USP34: variants seen among roughly 807,000 people sequenced by gnomAD.
USP34 encodes ubiquitin specific peptidase 34, also known as ubiquitin carboxyl-terminal hydrolase 34.
Under a neutral mutation model 460.3 loss-of-function variants are expected in USP34, and 70 were observed. That is an observed-to-expected ratio of 0.15 (90% CI 0.13 to 0.19). The LOEUF is 0.19. Among genes scored for constraint, USP34 ranks in the 10% least tolerant of loss-of-function variants. The probability of loss-of-function intolerance (pLI) is 1.00; values close to 1 mark genes in which losing one functional copy is unlikely to be tolerated. For missense variants in USP34, 3,985 were observed against 4,236.2 expected (o/e 0.94, Z 1.65); for synonymous variants, 1,647 against 1,405.3 (o/e 1.17, Z -3.85).
At chr2:61,258,572 A>T (rs1688782799) in intron 44 of USP34, among the ~76,000 whole-genome samples, 1 of 152,052 alleles carries the variant, frequency 6.6e-6, no homozygotes, top group African/African-American at 2.4e-5. Context: ...GCATAAATAA[A>T]CCCACAAGCA....
intron 10 of USP34, among the ~76,000 whole-genome samples, chr2:61,355,200 A>C (rs546335235): frequency 6.6e-6 from 1 of 152,340 alleles, no homozygotes; most frequent in East Asian, 1.9e-4. Context: ...AGTAGGGTAC[A>C]AGATGAATAA....
chr2:61,378,351 G>C lies in USP34; in HGVS notation c.1076+12C>G, dbSNP rs1339424221. 11 of 1,552,882 alleles carry C rather than the reference G, an allele frequency of 7.1e-6. No individual in the cohort carries two copies. The highest frequency in any genetic ancestry group is 9.6e-6 in the Non-Finnish European group (11 of 1,143,072). On this transcript the variant is annotated intron_variant, in intron 8 of 79. Coordinates refer to ENST00000398571, the MANE Select transcript of USP34 (RefSeq NM_014709.4). ...ATGGTATACTTATATATAAATTAAT[G>C]CTCCTACTTACGTTTCTGTGTCCGA... is the stretch of plus-strand genomic sequence containing the variant.
At position 61,241,566 on chromosome 2, in the gene USP34, T is replaced by A. The variant is rs750860526; in HGVS notation, c.6771A>T (p.Leu2257Phe). 2 of 1,600,244 alleles carry A rather than the reference T, an allele frequency of 1.2e-6. No homozygotes were observed. The highest frequency in any genetic ancestry group is 2.7e-5 in the African/African-American group (2 of 73,938). ...REYKFDVSSE[L>F]LEWIWHDNMQ... ...AAATGAAATTAACTTATACCTCTAG[T>A]AACTCTGACGAAACATCAAATTTGT... Residue 2257 changes from leucine (L) to phenylalanine (F), a missense_variant, in exon 53 of 80, where the codon TTA becomes TTT. This residue lies in a region of USP34 where 604 missense variants were observed against 684.8 expected (regional missense o/e 0.88). Transcript: ENST00000398571.
In USP34 at chr2:61,414,273, T is replaced by TAAA. The variant is rs33955394; in HGVS notation, c.131+6470_131+6472dup. Among the ~76,000 whole-genome samples, 124 of 147,886 alleles carry TAAA rather than the reference T, an allele frequency of 8.4e-4. 1 individual carries two copies. The highest frequency in any genetic ancestry group is 2.6e-3 in the Admixed American group (39 of 14,892). On this transcript the variant is annotated intron_variant, in intron 2 of 79. Transcript: ENST00000398571. ...TATAAAATAAATAAATAAATAACTTTAAAAAAAAAAAGAGTATGAAGGAAA... is the reference window on the plus strand; with the variant it reads ...TATAAAATAAATAAATAAATAACTTTAAAAAAAAAAAAAAGAGTATGAAGGAAA...
intron 70 of USP34, 61 bp from the exon 71 acceptor site, chr2:61,206,947 T>G (rs752568209): frequency 4.4e-5 from 69 of 1,555,498 alleles, no homozygotes; most frequent in Admixed American, 5.2e-5. Flanking sequence ...AGCCACAAAA[T>G]GGTAGTACTC....
chr2:61,447,174 G>C (rs1279150251), intron 1 of USP34, among the ~76,000 whole-genome samples: 1 of 128,916 alleles, frequency 7.8e-6, no homozygotes, highest in African/African-American at 2.9e-5. Flanking sequence ...CGAATCATTT[G>C]AACCCAGAAG....
At chr2:61,445,194 G>GA (rs1168449480) in intron 1 of USP34, among the ~76,000 whole-genome samples, 1 of 51,912 alleles carries the variant, frequency 1.9e-5, no homozygotes, top group Non-Finnish European at 3.6e-5. Context: ...AATGCTAAGA[G>GA]AAAAAACTGT....
In USP34 at chr2:61,349,690, A is replaced by T. The variant is rs910345708; in HGVS notation, c.1508-405T>A. Among the ~76,000 whole-genome samples the T allele has an allele frequency of 4.6e-5, 7 of 152,028 alleles. No homozygotes were observed. The East Asian group carries it at 1.4e-3, about 29-fold the overall frequency. On this transcript the variant is annotated intron_variant, in intron 12 of 79. Transcript: ENST00000398571. ...CCCGTCTCTACTAAAAATACAAAAA[A>T]ATTAGCTGGGCGTGGTGGCGGGCAC... is the stretch of plus-strand genomic sequence containing the variant.
intron 1 of USP34, among the ~76,000 whole-genome samples, chr2:61,466,826 C>T (rs1236354847): frequency 1.3e-5 from 2 of 151,040 alleles, no homozygotes; most frequent in Admixed American, 6.6e-5. Flanking sequence ...GCAGAAGAAT[C>T]ACTTGAATCC....
At chr2:61,251,232 G>A (rs766430999) in intron 48 of USP34, among the ~76,000 whole-genome samples, 90 of 152,128 alleles carry the variant, frequency 5.9e-4, no homozygotes, top group Non-Finnish European at 9.4e-4. Context: ...ATAAATATCT[G>A]AATACAAACA....
intron 10 of USP34, among the ~76,000 whole-genome samples, chr2:61,366,439 C>G (rs893059516): frequency 2.0e-5 from 3 of 152,088 alleles, no homozygotes; most frequent in African/African-American, 4.8e-5. Flanking sequence ...TTCTGTCAGC[C>G]ACCCGTCAGT....
rs543656697 is a variant in USP34, at chr2:61,358,547, C to T, written c.1252-7854G>A. 3.3e-5 allele frequency among the ~76,000 whole-genome samples: 5 copies of T among 152,106 alleles called. No individual in the cohort carries two copies. In the East Asian group the frequency reaches 9.7e-4, roughly 29 times the overall value. On this transcript the variant is annotated intron_variant, in intron 10 of 79. Transcript: ENST00000398571. ...TACTCAATGATGAATAACATATTTCCCCCTAAGATCAGAACAAGACAAGGA... is the reference window on the plus strand; with the variant it reads ...TACTCAATGATGAATAACATATTTCTCCCTAAGATCAGAACAAGACAAGGA...
At chr2:61,331,884 C>T (rs1271640854) in intron 19 of USP34, among the ~76,000 whole-genome samples, 1 of 151,804 alleles carries the variant, frequency 6.6e-6, no homozygotes, top group Non-Finnish European at 1.5e-5. Flanking sequence ...TTCAGAGATC[C>T]CAGGGTCCAT....
chr2:61,272,357 G>T (rs1689240340), intron 41 of USP34, among the ~76,000 whole-genome samples: 1 of 146,986 alleles, frequency 6.8e-6, no homozygotes, highest in African/African-American at 2.6e-5. Flanking sequence ...CTTGCAGTGA[G>T]CCAAGATCAT....
At chr2:61,356,862 T>G (rs980983840) in intron 10 of USP34, among the ~76,000 whole-genome samples, 1 of 152,190 alleles carries the variant, frequency 6.6e-6, no homozygotes, top group Admixed American at 6.5e-5. Flanking sequence ...ATCAACTGCA[T>G]TTTTTCAAAC....
rs559408655 is a variant in USP34 at position 61,308,862 on chromosome 2, G to A, written c.3817+2678C>T. 2.0e-5 allele frequency among the ~76,000 whole-genome samples: 3 copies of A among 152,212 alleles called. No individual in the cohort carries two copies. In the East Asian group the frequency reaches 5.8e-4, roughly 29 times the overall value. On this transcript the variant is annotated intron_variant, in intron 27 of 79. Coordinates refer to ENST00000398571, the MANE Select transcript of USP34 (RefSeq NM_014709.4). The stretch of plus-strand genomic sequence containing the variant: ...TTGAGATGAGCCTAGGCAACATGGT[G>A]AAACCCTGTCTCTACTAAAAATACA...
chr2:61,335,575 G>A (rs774177178), intron 18 of USP34, among the ~76,000 whole-genome samples: 4 of 151,878 alleles, frequency 2.6e-5, no homozygotes, highest in East Asian at 3.9e-4. Context: ...AGTGAGACCC[G>A]GTCTCCACAA....
rs1689437807 is a variant in USP34, at chr2:61,278,443, T to C, written c.5257A>G (p.Thr1753Ala). The C allele has an allele frequency of 2.6e-6, 4 of 1,542,578 alleles. No homozygotes were observed. The highest frequency in any genetic ancestry group is 3.5e-6 in the Non-Finnish European group (4 of 1,150,498). ...AAGGCATCTAAGTCGAGGAGCGTTG[T>C]CTTAATACAAAAAGAAAATAAAAAT... ...DNIHIKDASQ[T>A]TLLDLDALAR... The change falls in exon 40 of 80, where the codon ACA becomes GCA. Residue 1753 changes from threonine (T) to alanine (A), a missense_variant and splice_region_variant. Physicochemically the swap from Thr to Ala is moderately conservative, Grantham distance 58. Around this residue, in one of 14 missense-constraint regions of USP34, gnomAD observed 1,114 missense variants for 1,122.5 expected, o/e 0.99. Transcript: ENST00000398571.
At position 61,373,367 on chromosome 2, in the gene USP34, GT is replaced by G. The variant is rs112151932; in HGVS notation, c.1077-2789del. Reference sequence around the variant, plus strand: ...AATCAAGGCAGAGATTATATGACTAGTTTTTTTTTTTAAAGATCCAACTATA... The same window carrying G: ...AATCAAGGCAGAGATTATATGACTAGTTTTTTTTTTAAAGATCCAACTATA... On this transcript the variant is annotated intron_variant, in intron 8 of 79. Transcript: ENST00000398571. 1.2e-3 allele frequency among the ~76,000 whole-genome samples: 172 copies of G among 146,474 alleles called. 2 individuals are homozygous for G. The highest frequency in any genetic ancestry group is 4.6e-3 in the Admixed American group (67 of 14,606).
Sources: allele counts gnomAD v4.1 joint callset (sites outside exome capture counted in the v4.1 genomes callset), GRCh38; gene constraint gnomAD v4.1.1; regional missense constraint gnomAD v4.1.1; transcripts MANE v1.5; gene names NCBI Gene and HGNC (gene_info 2026-07-23, HGNC 2026-07-21).